Variants in TBC1D1 observed in about 807,000 individuals in gnomAD.
TBC1D1 encodes the protein TBC1 (tre-2/USP6, BUB2, cdc16) domain family, member 1.
Under a neutral mutation model 125.6 loss-of-function variants are expected in TBC1D1, and 89 were observed. The ratio of observed to expected loss-of-function variants is 0.71; its 90% CI spans 0.60 to 0.85. TBC1D1 has a LOEUF of 0.85. TBC1D1 is among the 40% of genes least tolerant of loss of function. The pLI, the probability that TBC1D1 is intolerant of heterozygous loss-of-function variation, is 0.00. For missense variants in TBC1D1, 1,377 were observed against 1,469.2 expected (o/e 0.94, Z 1.03); for synonymous variants, 565 against 564.1 (o/e 1.00, Z -0.02).
intron 13 of TBC1D1, among the ~76,000 whole-genome samples, chr4:38,090,980 A>C (rs1387423619): frequency 1.3e-5 from 2 of 152,202 alleles, no homozygotes; most frequent in Admixed American, 6.5e-5. Flanking sequence ...TCATTAAGAC[A>C]CCAACTCTGA....
chr4:38,117,918 C>A (rs953233490), intron 16 of TBC1D1, 115 bp from the exon 19 acceptor site: 3 of 946,986 alleles, frequency 3.2e-6, no homozygotes, highest in South Asian at 1.6e-5. Context: ...CAAGCCAAAT[C>A]GAATGTTTAA....
intron 12 of TBC1D1, among the ~76,000 whole-genome samples, chr4:38,079,728 C>CAAA (rs5857594): frequency 7.1e-6 from 1 of 140,928 alleles, no homozygotes. Context: ...GACTCCATCT[C>CAAA]AAAAAAAAAA....
At chr4:38,035,563 C>T in intron 7 of TBC1D1, 25 bp from the exon 8 acceptor site, 2 of 1,574,650 alleles carry the variant, frequency 1.3e-6, no homozygotes, top group Non-Finnish European at 1.7e-6. Context: ...AAAAATAAAT[C>T]CTGTTTCTGA....
At chr4:38,034,556 G>T (rs552005563) in intron 7 of TBC1D1, among the ~76,000 whole-genome samples, 1 of 152,190 alleles carries the variant, frequency 6.6e-6, no homozygotes, top group African/African-American at 2.4e-5. Flanking sequence ...TGCTTATTAT[G>T]TGCAGGGTAA....
chr4:38,052,698 G>GTA (rs762760327), intron 11 of TBC1D1, among the ~76,000 whole-genome samples: 17 of 144,296 alleles, frequency 1.2e-4, no homozygotes, highest in Non-Finnish European at 1.9e-4. Flanking sequence ...ACATGCATGC[G>GTA]TATATACACA....
intron 2 of TBC1D1, among the ~76,000 whole-genome samples, chr4:37,947,729 A>G (rs1210676110): frequency 1.3e-5 from 2 of 152,238 alleles, no homozygotes; most frequent in Non-Finnish European, 2.9e-5. Context: ...TGTTTAGTCA[A>G]GCAAACAGAT....
chr4:37,932,246 G>A (rs894805141), intron 2 of TBC1D1, among the ~76,000 whole-genome samples: 1 of 152,172 alleles, frequency 6.6e-6, no homozygotes, highest in Non-Finnish European at 1.5e-5. Flanking sequence ...TTCCTTTCAT[G>A]ATGCATTGTT....
At chr4:37,903,662 T>G (rs1005234526) in intron 2 of TBC1D1, among the ~76,000 whole-genome samples, 1 of 152,232 alleles carries the variant, frequency 6.6e-6, no homozygotes, top group Non-Finnish European at 1.5e-5. Context: ...GAAATTAATA[T>G]TCTTGGTATC....
At position 38,014,513 on chromosome 4, in the gene TBC1D1, C is replaced by T. The variant is rs1342574548; in HGVS notation, c.422C>T (p.Pro141Leu). The change falls in exon 3 of 20, where the codon CCT becomes CTT. Residue 141 changes from proline (P) to leucine (L), a missense_variant. Transcript: ENST00000261439. This position sits in a 1 kb window ranked among gnomAD's most constrained non-coding sequence, Gnocchi z 5.1. ...CACGCCTCTCTCTCTCCTCAGGTGCCTGAGATCATCAGCTCCATCCGTCAG... is the reference window on the plus strand; with the variant it reads ...CACGCCTCTCTCTCTCCTCAGGTGCTTGAGATCATCAGCTCCATCCGTCAG... 5.0e-6 allele frequency: 8 copies of T among 1,611,788 alleles called. No homozygotes were observed. The highest frequency in any genetic ancestry group is 6.8e-6 in the Non-Finnish European group (8 of 1,178,882).
rs1316966564 is a variant in TBC1D1, at chr4:38,049,625, C to G, written c.1637C>G (p.Ser546Cys). 6.2e-7 allele frequency: 1 copy of G among 1,605,948 alleles called. No individual in the cohort carries two copies. The highest frequency in any genetic ancestry group is 8.5e-7 in the Non-Finnish European group (1 of 1,174,626). ...CTGTGTGTTTGCTCCCAGGAGCCATCTGTGTGTGAAAAGGAGGCCTTGCCC... is the reference window on the plus strand; with the variant it reads ...CTGTGTGTTTGCTCCCAGGAGCCATGTGTGTGTGAAAAGGAGGCCTTGCCC... The change falls in exon 11 of 20, where the codon TCT becomes TGT. Residue 546 changes from serine (S) to cysteine (C), a missense_variant. Transcript: ENST00000261439.
At chr4:38,117,926 T>A in intron 16 of TBC1D1, 107 bp from the exon 19 acceptor site, 1 of 1,020,640 alleles carries the variant, frequency 9.8e-7, no homozygotes, top group South Asian at 1.5e-5. Flanking sequence ...ATCGAATGTT[T>A]AAAGTTCTAG....
At chr4:38,120,206 C>T in intron 17 of TBC1D1, 2 of 726,774 alleles carry the variant, frequency 2.8e-6, no homozygotes, top group Non-Finnish European at 3.4e-6. Context: ...ATTCCTGGAT[C>T]CCACAGACTC....
At chr4:37,936,584 A>T (rs1724445220) in intron 2 of TBC1D1, among the ~76,000 whole-genome samples, 1 of 152,206 alleles carries the variant, frequency 6.6e-6, no homozygotes, top group Non-Finnish European at 1.5e-5. Flanking sequence ...ACATGACCTC[A>T]AAAGCAAGGC....
chr4:37,934,619 T>C (rs1383293933), intron 2 of TBC1D1, among the ~76,000 whole-genome samples: 6 of 152,074 alleles, frequency 3.9e-5, no homozygotes, highest in African/African-American at 1.4e-4. Context: ...GGGTTTGCTT[T>C]TGATGGAGTG....
rs1378656192 is a variant in TBC1D1, at chr4:37,967,247, C to A, written c.418-47262C>A. Among the ~76,000 whole-genome samples the A allele has an allele frequency of 2.6e-5, 4 of 152,154 alleles. No individual in the cohort carries two copies. The South Asian group carries it at 6.2e-4, about 24-fold the overall frequency. On this transcript the variant is annotated intron_variant, in intron 2 of 19. Transcript: ENST00000261439. Reference sequence around the variant, plus strand: ...CAGTGGCTCACATCTGTAATCCCTGCACTTTGGGAGGGCGAGGCGGGTGGA... The same window carrying A: ...CAGTGGCTCACATCTGTAATCCCTGAACTTTGGGAGGGCGAGGCGGGTGGA...
chr4:38,107,748 T>C (rs1425585732), intron 15 of TBC1D1, among the ~76,000 whole-genome samples: 1 of 152,116 alleles, frequency 6.6e-6, no homozygotes, highest in Non-Finnish European at 1.5e-5. Context: ...ATTTCCAACT[T>C]AGAGGGGATG....
intron 4 of TBC1D1, 62 bp from the exon 5 acceptor site, chr4:38,020,529 C>A: frequency 7.6e-7 from 1 of 1,312,526 alleles, no homozygotes; most frequent in South Asian, 1.2e-5. Context: ...TCTTGAGGTG[C>A]ATTTCTGAGG....
At position 38,103,221 on chromosome 4, in the gene TBC1D1, G is replaced by C. The variant is rs1167567086; in HGVS notation, c.2557+64G>C. The C allele has an allele frequency of 7.6e-5, 116 of 1,533,144 alleles. No individual in the cohort carries two copies. In the South Asian group the frequency reaches 1.3e-3, roughly 17 times the overall value. The allele number at this position is 1,533,144 out of a possible 1,614,324, so 95.0% of individuals were successfully genotyped here. A position where few individuals can be genotyped will look rare whatever the true frequency, so the allele number is the denominator to read the frequency against. On this transcript the variant is annotated intron_variant, in intron 15 of 19. Coordinates refer to ENST00000261439, the MANE Select transcript of TBC1D1 (RefSeq NM_015173.4). ...TTCACTCACATGAAAAATCTGAAGA[G>C]ACTGTCCAAGTTATGTATTGACCTG...
At chr4:37,928,981 G>A (rs968956894) in intron 2 of TBC1D1, among the ~76,000 whole-genome samples, 1 of 152,178 alleles carries the variant, frequency 6.6e-6, no homozygotes, top group African/African-American at 2.4e-5. Context: ...CTGTGGGTGA[G>A]GAAACAAAGA....
Sources: allele counts gnomAD v4.1 joint callset (sites outside exome capture counted in the v4.1 genomes callset), GRCh38; gene constraint gnomAD v4.1.1; non-coding constraint Gnocchi (gnomAD v3.1); transcripts MANE v1.5; gene names NCBI Gene and HGNC (gene_info 2026-07-23, HGNC 2026-07-21).